Variants in CWC22 observed in about 807,000 individuals in gnomAD.
The protein encoded by CWC22 is CWC22 spliceosome associated protein.
In CWC22, 53 loss-of-function variants were observed where a neutral mutation model predicts 117.2. The observed-to-expected ratio is 0.45, with a 90% CI of 0.36 to 0.57. The LOEUF is 0.57. Among genes scored for constraint, CWC22 ranks in the 20% least tolerant of loss-of-function variants. The pLI is 0.00. For synonymous variants in CWC22, 360 were observed against 355.6 expected, an observed-to-expected ratio of 1.01 and a Z score of -0.14; for missense variants, 980 against 1,068.8, an observed-to-expected ratio of 0.92 and a Z score of 1.16.
intron 5 of CWC22, among the ~76,000 whole-genome samples, chr2:179,979,123 A>G (rs537082757): frequency 7.2e-4 from 109 of 152,214 alleles, no homozygotes; most frequent in African/African-American, 2.1e-3. Context: ...TCTTCCATAC[A>G]TGTCTCTCTC....
At position 179,965,795 on chromosome 2, in the gene CWC22, T is replaced by C. The variant is rs190028884; in HGVS notation, c.1315+83A>G. ...CAGCTGTCCTTGCTCTCCCCAAAGA[T>C]TGAGAACTATTGTTTTAGAAGATTA... On this transcript the variant is annotated intron_variant, in intron 12 of 19. Transcript: ENST00000410053. 74 of 1,158,308 alleles carry C rather than the reference T, an allele frequency of 6.4e-5. No homozygotes were observed. The African/African-American group carries it at 9.3e-4, about 15-fold the overall frequency. The allele number at this position is 1,158,308 out of a possible 1,614,324, so 71.8% of individuals were successfully genotyped here.
At chr2:179,994,303 T>C (rs932625491) in intron 1 of CWC22, among the ~76,000 whole-genome samples, 1 of 149,986 alleles carries the variant, frequency 6.7e-6, no homozygotes, top group South Asian at 2.1e-4. Flanking sequence ...AATAACTGAA[T>C]ACAACTGGAA....
At chr2:180,000,919 C>T (rs1687831272) in intron 1 of CWC22, among the ~76,000 whole-genome samples, 1 of 152,082 alleles carries the variant, frequency 6.6e-6, no homozygotes, top group South Asian at 2.1e-4. Flanking sequence ...CCATTCATTT[C>T]CTGTATCATG....
At chr2:179,989,202 G>C (rs908332785) in intron 2 of CWC22, among the ~76,000 whole-genome samples, 1 of 150,882 alleles carries the variant, frequency 6.6e-6, no homozygotes, top group Non-Finnish European at 1.5e-5. Context: ...TCAAATTTTT[G>C]ATGACATCTA....
At chr2:179,968,818 C>T (rs944269156) in intron 11 of CWC22, among the ~76,000 whole-genome samples, 3 of 151,972 alleles carry the variant, frequency 2.0e-5, no homozygotes, top group African/African-American at 4.8e-5. Context: ...CGCCCACCTC[C>T]GCCTCCCAAA....
At chr2:179,995,005 C>T (rs558904488) in intron 1 of CWC22, among the ~76,000 whole-genome samples, 37 of 152,304 alleles carry the variant, frequency 2.4e-4, no homozygotes, top group East Asian at 1.2e-3. Context: ...GTAGTCCCAG[C>T]TACTCCGGAG....
rs980516694 is a variant in CWC22, at chr2:179,974,047, T to C, written c.582-245A>G. 5.9e-5 allele frequency among the ~76,000 whole-genome samples: 9 copies of C among 152,232 alleles called. 1 individual carries two copies. Among genetic ancestry groups the C allele is most frequent in the Admixed American group, 5.2e-4 (8 of 15,288 alleles). On this transcript the variant is annotated intron_variant, in intron 6 of 19. Coordinates refer to ENST00000410053, the MANE Select transcript of CWC22 (RefSeq NM_020943.3). ...AATTTATCACCAAAATTTTTCTCTC[T>C]ACATATAATTCCTCTTTTCCCAGTC...
intron 13 of CWC22, among the ~76,000 whole-genome samples, chr2:179,962,810 T>A (rs1686788226): frequency 6.6e-6 from 1 of 152,148 alleles, no homozygotes; most frequent in Non-Finnish European, 1.5e-5. Flanking sequence ...ATTTTGAATG[T>A]TGTTACCATA....
rs751406246 is a variant in CWC22 at position 179,978,296 on chromosome 2, A to G, written c.475T>C (p.Trp159Arg). Residue 159 changes from tryptophan to arginine, a missense_variant, in exon 6 of 20, where the codon TGG becomes CGG. This residue lies in a region of CWC22 where 559 missense variants were observed against 602.3 expected (regional missense o/e 0.93). Coordinates refer to ENST00000410053, the MANE Select transcript of CWC22 (RefSeq NM_020943.3). The stretch of plus-strand genomic sequence containing the variant: ...TTAATTGACTTCTTCAGGGCCTCCC[A>G]ACTCATCCTCTGGTATGCTAAGCTA... ...KNSLAYQRMS[W>R]EALKKSINGL... 36 of 1,533,150 alleles carry G rather than the reference A, an allele frequency of 2.3e-5. No individual in the cohort carries two copies. Among genetic ancestry groups the G allele is most frequent in the Non-Finnish European group, 3.0e-5 (34 of 1,141,644 alleles). The allele number at this position is 1,533,150 out of a possible 1,614,324, so 95.0% of individuals were successfully genotyped here.
chr2:179,950,073 A>G (rs1686406055), intron 19 of CWC22, among the ~76,000 whole-genome samples: 1 of 152,186 alleles, frequency 6.6e-6, no homozygotes, highest in African/African-American at 2.4e-5. Flanking sequence ...TGTGCTAGCT[A>G]TGAGGATGTG....
intron 8 of CWC22, among the ~76,000 whole-genome samples, chr2:179,972,851 C>T (rs947577088): frequency 1.6e-4 from 24 of 150,898 alleles, no homozygotes; most frequent in African/African-American, 5.8e-4. Flanking sequence ...ACTAAAAATA[C>T]AAAAAAAACT....
Position 179,965,864 on chromosome 2 carries a change from T to C in CWC22, c.1315+14A>G. 1 of 1,396,096 alleles carries C rather than the reference T, an allele frequency of 7.2e-7. No homozygotes were observed. The highest frequency in any genetic ancestry group is 1.0e-6 in the Non-Finnish European group (1 of 985,754). The allele number at this position is 1,396,096 out of a possible 1,614,324, so 86.5% of individuals were successfully genotyped here. A position where few individuals can be genotyped will look rare whatever the true frequency, so the allele number is the denominator to read the frequency against. ...AGTATCTTATAATATTATTTGAATA[T>C]GCTACATGTTTACCTTCTTCATCTT... On this transcript the variant is annotated intron_variant, in intron 12 of 19. Coordinates refer to ENST00000410053, the MANE Select transcript of CWC22 (RefSeq NM_020943.3).
chr2:179,958,009 T>A (rs1332766391), intron 14 of CWC22, among the ~76,000 whole-genome samples: 1 of 152,092 alleles, frequency 6.6e-6, no homozygotes, highest in Non-Finnish European at 1.5e-5. Context: ...ACATATAGTA[T>A]CTGCTGAATA....
chr2:179,964,924 G>C (rs1559288593), intron 12 of CWC22, among the ~76,000 whole-genome samples: 1 of 152,012 alleles, frequency 6.6e-6, no homozygotes, highest in Non-Finnish European at 1.5e-5. Flanking sequence ...CTGTTGTTTG[G>C]TAAAATATTA....
chr2:180,000,741 T>C (rs193098938), intron 1 of CWC22, among the ~76,000 whole-genome samples: 29 of 152,216 alleles, frequency 1.9e-4, no homozygotes, highest in African/African-American at 6.5e-4. Flanking sequence ...ATAAAAGCAT[T>C]TGACTGGTCT....
chr2:179,965,575 A>C (rs1332912131), intron 12 of CWC22, among the ~76,000 whole-genome samples: 1 of 152,248 alleles, frequency 6.6e-6, no homozygotes, highest in Admixed American at 6.5e-5. Context: ...TCTAGAATAT[A>C]ATCAAAGGCA....
intron 1 of CWC22, 23 bp from the exon 2 acceptor site, chr2:179,993,477 C>A: frequency 1.6e-6 from 1 of 634,242 alleles, no homozygotes; most frequent in South Asian, 1.9e-5. Context: ...CCAAAGAAAG[C>A]TTTATTAACA....
At chr2:179,965,844 C>T (rs766255080) in intron 12 of CWC22, 34 bp downstream of exon 12, 4 of 1,330,818 alleles carry the variant, frequency 3.0e-6, no homozygotes, top group Non-Finnish European at 4.2e-6. Flanking sequence ...TTTAGAGTAT[C>T]TTATAATATT....
At chr2:179,945,929 C>A (rs1362239598) in intron 19 of CWC22, among the ~76,000 whole-genome samples, 2 of 152,136 alleles carry the variant, frequency 1.3e-5, no homozygotes, top group African/African-American at 4.8e-5. Context: ...GTTGCCCAGG[C>A]TGGAGTGCAG....
Sources: gnomAD v4.1 joint callset for allele counts (sites outside exome capture counted in the v4.1 genomes callset) on GRCh38, gnomAD v4.1.1 for gene constraint, gnomAD v4.1.1 regional missense constraint, MANE v1.5 for transcripts, NCBI Gene and HGNC (gene_info 2026-07-23, HGNC 2026-07-21) for gene names.